The following TNNI3K variants were observed in gnomAD, a reference collection of about 807,000 sequenced individuals.
The protein encoded by TNNI3K is TNNI3 interacting kinase, also known as serine/threonine-protein kinase TNNI3K.
Under a neutral mutation model 114.5 loss-of-function variants are expected in TNNI3K, and 140 were observed. That is an observed-to-expected ratio of 1.22 (90% CI 1.07 to 1.41). The LOEUF (loss-of-function observed/expected upper bound fraction) is 1.41. Ranked by LOEUF, TNNI3K falls within the 40% of genes most tolerant of loss-of-function variation. TNNI3K has a pLI of 0.00. For synonymous variants in TNNI3K, 347 were observed against 347.5 expected (o/e 1.00, Z 0.02); for missense variants, 1,125 against 1,007.6 (o/e 1.12, Z -1.58).
chr1:74,333,934 C>G lies in TNNI3K; in HGVS notation c.544-2077C>G, dbSNP rs1370888803. ...GGCATGCAAGGTTCTTGAAACTAAA[C>G]TTCTGCTGTTCTGATTTCACCTGAA... On this transcript the variant is annotated intron_variant, in intron 6 of 24. Coordinates refer to ENST00000326637, the MANE Select transcript of TNNI3K (RefSeq NM_015978.3). Among the ~76,000 whole-genome samples the G allele has an allele frequency of 3.3e-5, 5 of 152,174 alleles. No individual in the cohort carries two copies. In the East Asian group the frequency reaches 9.6e-4, roughly 29 times the overall value.
intron 5 of TNNI3K, among the ~76,000 whole-genome samples, chr1:74,319,319 C>A (rs1159915624): frequency 6.6e-6 from 1 of 152,194 alleles, no homozygotes; most frequent in African/African-American, 2.4e-5. Context: ...AAGACAAAAT[C>A]ATAATCTTGT....
chr1:74,323,891 C>T (rs1337754943), intron 5 of TNNI3K, among the ~76,000 whole-genome samples: 9 of 151,822 alleles, frequency 5.9e-5, no homozygotes, highest in East Asian at 3.9e-4. Context: ...AGAGATGAAC[C>T]GAAAAAGCCA....
chr1:74,353,308 T>G lies in TNNI3K; in HGVS notation c.975T>G (p.Leu325=), dbSNP rs1408859315. 3.7e-6 allele frequency: 6 copies of G among 1,613,860 alleles called. No individual in the cohort carries two copies. The East Asian group carries it at 1.3e-4, about 36-fold the overall frequency. The change falls in exon 10 of 25, where the codon CTT becomes CTG. Residue 325 remains leucine (L), a synonymous_variant. Coordinates refer to ENST00000326637, the MANE Select transcript of TNNI3K (RefSeq NM_015978.3). The part of the protein sequence containing the change: ...YGKSIDLVKF[L]LDQNVININH... ...AGAGCATTGACCTAGTCAAATTTCT[T>G]CTTGATCAGAATGTCATAAACATCA...
chr1:74,463,666 T>C lies in TNNI3K; in HGVS notation c.2121+116T>C, dbSNP rs1220618176. On this transcript the variant is annotated intron_variant, in intron 21 of 24. Coordinates refer to ENST00000326637, the MANE Select transcript of TNNI3K (RefSeq NM_015978.3). The stretch of plus-strand genomic sequence containing the variant: ...TTTAAGACTGTCAAGGCGGGAAGAC[T>C]GATTTGCCTTCTGCTCTTTAGTCTC... 3 of 1,144,662 alleles carry C rather than the reference T, an allele frequency of 2.6e-6. No homozygotes were observed. In the East Asian group the frequency reaches 7.4e-5, roughly 28 times the overall value. 70.9% of individuals were successfully genotyped at this position (1,144,662 alleles called of 1,614,324 possible). A position where few individuals can be genotyped will look rare whatever the true frequency, so the allele number is the denominator to read the frequency against.
At chr1:74,300,707 G>A (rs974494563) in intron 5 of TNNI3K, among the ~76,000 whole-genome samples, 1 of 152,040 alleles carries the variant, frequency 6.6e-6, no homozygotes, top group African/African-American at 2.4e-5. Context: ...ATTGTATTTC[G>A]TGCATAGACA....
chr1:74,539,256 G>T (rs906337648), intron 23 of TNNI3K, among the ~76,000 whole-genome samples: 1 of 152,108 alleles, frequency 6.6e-6, no homozygotes, highest in African/African-American at 2.4e-5. Context: ...CAATAATTTT[G>T]GCTCAAGGTA....
intron 20 of TNNI3K, among the ~76,000 whole-genome samples, chr1:74,442,802 T>A (rs1557568605): frequency 6.6e-6 from 1 of 152,046 alleles, no homozygotes; most frequent in African/African-American, 2.4e-5. Flanking sequence ...ACTGAAATCA[T>A]AACAAACAGT....
chr1:74,309,983 A>G (rs1658891249), intron 5 of TNNI3K, among the ~76,000 whole-genome samples: 1 of 152,184 alleles, frequency 6.6e-6, no homozygotes, highest in African/African-American at 2.4e-5. Context: ...AGAAAGAAAT[A>G]AAAGGCATCT....
chr1:74,472,593 A>G (rs941308410), intron 21 of TNNI3K, among the ~76,000 whole-genome samples: 2 of 152,134 alleles, frequency 1.3e-5, no homozygotes, highest in African/African-American at 4.8e-5. Flanking sequence ...TGGGCAGAAC[A>G]TGGGTGCAAT....
At chr1:74,504,787 T>C (rs1279949440) in intron 23 of TNNI3K, among the ~76,000 whole-genome samples, 1 of 152,118 alleles carries the variant, frequency 6.6e-6, no homozygotes, top group East Asian at 1.9e-4. Flanking sequence ...TGCTGTAATT[T>C]CGTGTTCTTT....
At chr1:74,527,724 G>T (rs1055541587) in intron 23 of TNNI3K, among the ~76,000 whole-genome samples, 2 of 152,202 alleles carry the variant, frequency 1.3e-5, no homozygotes, top group Non-Finnish European at 2.9e-5. Flanking sequence ...AATCTGATTA[G>T]CATTTTAAAA....
chr1:74,259,284 C>T (rs988477167), intron 4 of TNNI3K, among the ~76,000 whole-genome samples: 1 of 152,316 alleles, frequency 6.6e-6, no homozygotes, highest in East Asian at 1.9e-4. Flanking sequence ...ACTTGAGAAC[C>T]AGGGGAGCCT....
chr1:74,378,286 T>C (rs766109883), intron 17 of TNNI3K, among the ~76,000 whole-genome samples: 16 of 151,954 alleles, frequency 1.1e-4, no homozygotes, highest in Non-Finnish European at 2.2e-4. Context: ...AGCTATATAA[T>C]TTATTAATAT....
chr1:74,512,634 C>T (rs576247128), intron 23 of TNNI3K: 20 of 152,236 alleles, frequency 1.3e-4, no homozygotes, highest in African/African-American at 4.3e-4. Flanking sequence ...TGCCTTATTC[C>T]TCTTTATATG....
intron 17 of TNNI3K, among the ~76,000 whole-genome samples, chr1:74,427,544 AATGT>A (rs1260135675): frequency 1.3e-5 from 2 of 152,040 alleles, no homozygotes; most frequent in East Asian, 3.9e-4. Flanking sequence ...GCACTAGAGA[AATGT>A]TAGTCCTTAT....
intron 21 of TNNI3K, among the ~76,000 whole-genome samples, chr1:74,486,517 T>TC (rs1363364801): frequency 6.6e-6 from 1 of 150,656 alleles, no homozygotes. Flanking sequence ...CTTTTTTTTT[T>TC]TTTGCCTCTG....
chr1:74,323,072 C>T (rs897798711), intron 5 of TNNI3K, among the ~76,000 whole-genome samples: 1 of 152,088 alleles, frequency 6.6e-6, no homozygotes, highest in African/African-American at 2.4e-5. Flanking sequence ...TAACATATGA[C>T]TTAGAATATG....
At chr1:74,428,036 T>C (rs1439295513) in intron 17 of TNNI3K, among the ~76,000 whole-genome samples, 1 of 151,832 alleles carries the variant, frequency 6.6e-6, no homozygotes, top group East Asian at 1.9e-4. Context: ...GTGGGACAAA[T>C]CCACTAGCTT....
intron 11 of TNNI3K, among the ~76,000 whole-genome samples, chr1:74,356,254 C>T (rs760368427): frequency 3.3e-5 from 5 of 152,098 alleles, no homozygotes; most frequent in African/African-American, 1.2e-4. Context: ...GACTATATCA[C>T]AATTTTTTAA....
Sources: allele counts gnomAD v4.1 joint callset (sites outside exome capture counted in the v4.1 genomes callset), GRCh38; gene constraint gnomAD v4.1.1; transcripts MANE v1.5; gene names NCBI Gene and HGNC (gene_info 2026-07-23, HGNC 2026-07-21).